Variants in ZNF385B observed in about 807,000 individuals in gnomAD.
ZNF385B encodes the protein zinc finger protein 385B.
Under a neutral mutation model 39.2 loss-of-function variants are expected in ZNF385B, and 23 were observed. The observed-to-expected ratio is 0.59, with a 90% CI of 0.42 to 0.83. The LOEUF (loss-of-function observed/expected upper bound fraction) is 0.83, where lower values mean the gene tolerates loss of function less well. Among genes scored for constraint, ZNF385B ranks in the 40% least tolerant of loss-of-function variants. The probability of loss-of-function intolerance (pLI) is 0.00; values close to 1 mark genes in which losing one functional copy is unlikely to be tolerated. For missense variants in ZNF385B, 552 were observed against 598.9 expected, an observed-to-expected ratio of 0.92 and a Z score of 0.82; for synonymous variants, 205 against 222.6, an observed-to-expected ratio of 0.92 and a Z score of 0.70.
At chr2:179,597,715 A>C (rs1688108601) in intron 3 of ZNF385B, among the ~76,000 whole-genome samples, 1 of 152,160 alleles carries the variant, frequency 6.6e-6, no homozygotes, top group South Asian at 2.1e-4. Flanking sequence ...GGAACATTGG[A>C]ATGTTTTATG....
At chr2:179,571,689 G>A (rs879401028) in intron 3 of ZNF385B, among the ~76,000 whole-genome samples, 6 of 152,120 alleles carry the variant, frequency 3.9e-5, no homozygotes, top group Admixed American at 2.0e-4. Context: ...TTCACATGGC[G>A]TTTCTCAAAT....
intron 5 of ZNF385B, among the ~76,000 whole-genome samples, chr2:179,501,676 G>A (rs1356510816): frequency 6.6e-6 from 1 of 152,074 alleles, no homozygotes; most frequent in Non-Finnish European, 1.5e-5. Flanking sequence ...TTGACAGCAC[G>A]ATAGGGTGAC....
chr2:179,740,084 T>A (rs1701999324), intron 3 of ZNF385B, among the ~76,000 whole-genome samples: 1 of 152,178 alleles, frequency 6.6e-6, no homozygotes, highest in South Asian at 2.1e-4. Context: ...CTGGATATTT[T>A]GAAATTTCTT....
At chr2:179,541,314 G>T (rs1468411622) in intron 4 of ZNF385B, among the ~76,000 whole-genome samples, 2 of 152,092 alleles carry the variant, frequency 1.3e-5, no homozygotes, top group Non-Finnish European at 2.9e-5. Context: ...TCTTCATCAG[G>T]TACAACTTAG....
chr2:179,686,297 G>A (rs1255295484), intron 3 of ZNF385B, among the ~76,000 whole-genome samples: 1 of 152,116 alleles, frequency 6.6e-6, no homozygotes, highest in Non-Finnish European at 1.5e-5. Flanking sequence ...TGTGGTCTTT[G>A]GGCTGTTCTT....
rs570627786 is a variant in ZNF385B at position 179,576,713 on chromosome 2, A to G, written c.299-31744T>C. Among the ~76,000 whole-genome samples, 61 of 152,328 alleles carry G rather than the reference A, an allele frequency of 4.0e-4. 1 individual carries two copies. Among genetic ancestry groups the G allele is most frequent in the African/African-American group, 1.4e-3 (60 of 41,584 alleles). ...ATTCATAAATTCTATATAGTCTATA[A>G]TGACTTCAGAGAAAACTGGTGGCAA... On this transcript the variant is annotated intron_variant, in intron 3 of 9. Transcript: ENST00000410066.
chr2:179,545,663 A>G (rs1468420321), intron 3 of ZNF385B, among the ~76,000 whole-genome samples: 1 of 152,086 alleles, frequency 6.6e-6, no homozygotes, highest in African/African-American at 2.4e-5. Context: ...TTTATTTCTA[A>G]TTTGTTTTGT....
chr2:179,848,286 T>C (rs1708902750), intron 1 of ZNF385B, among the ~76,000 whole-genome samples: 1 of 152,160 alleles, frequency 6.6e-6, no homozygotes, highest in African/African-American at 2.4e-5. Context: ...AATAATCTAA[T>C]TTGGTGAGAT....
At chr2:179,518,694 G>GT in intron 4 of ZNF385B, 56 bp from the exon 5 acceptor site, 1 of 1,106,656 alleles carries the variant, frequency 9.0e-7, no homozygotes, top group Admixed American at 2.5e-5. Context: ...AGACAACAGT[G>GT]TGAGCAAATA....
intron 1 of ZNF385B, among the ~76,000 whole-genome samples, chr2:179,786,983 G>A (rs892759818): frequency 2.0e-5 from 3 of 151,980 alleles, no homozygotes; most frequent in South Asian, 2.1e-4. Context: ...ATTTTCAAAC[G>A]CACTTATTTG....
At chr2:179,799,362 G>C (rs561013708) in intron 1 of ZNF385B, among the ~76,000 whole-genome samples, 1 of 152,022 alleles carries the variant, frequency 6.6e-6, no homozygotes, top group Admixed American at 6.6e-5. Context: ...ATTTCTGCTA[G>C]AGTCAGTGTT....
chr2:179,820,296 T>C (rs1206033167), intron 1 of ZNF385B, among the ~76,000 whole-genome samples: 3 of 152,124 alleles, frequency 2.0e-5, no homozygotes, highest in Non-Finnish European at 4.4e-5. Flanking sequence ...ATAAAGGTAT[T>C]TGCATAATTT....
chr2:179,755,175 T>A (rs1468497679), intron 3 of ZNF385B, among the ~76,000 whole-genome samples: 1 of 152,250 alleles, frequency 6.6e-6, no homozygotes, highest in Non-Finnish European at 1.5e-5. Flanking sequence ...ATTTCTGCCT[T>A]CATTTCATTA....
intron 3 of ZNF385B, among the ~76,000 whole-genome samples, chr2:179,599,251 A>G (rs1338548200): frequency 6.6e-6 from 1 of 152,226 alleles, no homozygotes; most frequent in Non-Finnish European, 1.5e-5. Flanking sequence ...CATGATCAGA[A>G]TATCAGACCC....
chr2:179,734,587 G>C (rs1337812391), intron 3 of ZNF385B, among the ~76,000 whole-genome samples: 3 of 152,150 alleles, frequency 2.0e-5, no homozygotes, highest in Non-Finnish European at 4.4e-5. Context: ...CTATATTCAA[G>C]TGTTCTGTCC....
intron 1 of ZNF385B, among the ~76,000 whole-genome samples, chr2:179,789,929 G>T (rs1705226342): frequency 6.6e-6 from 1 of 152,004 alleles, no homozygotes; most frequent in Admixed American, 6.6e-5. Context: ...GATTTGAGGA[G>T]CATAATTAAC....
chr2:179,504,279 T>A (rs920363902), intron 5 of ZNF385B, among the ~76,000 whole-genome samples: 1 of 152,088 alleles, frequency 6.6e-6, no homozygotes, highest in African/African-American at 2.4e-5. Context: ...TCTATCATTG[T>A]TGGACATTTG....
chr2:179,854,397 A>T (rs867649768), intron 1 of ZNF385B, among the ~76,000 whole-genome samples: 1 of 152,090 alleles, frequency 6.6e-6, no homozygotes, highest in African/African-American at 2.4e-5. Flanking sequence ...ATACAATGAC[A>T]CTGATTTAAT....
chr2:179,462,311 ATCAG>A (rs2051420439), intron 6 of ZNF385B, among the ~76,000 whole-genome samples: 4 of 152,328 alleles, frequency 2.6e-5, no homozygotes, highest in African/African-American at 9.6e-5. Flanking sequence ...ATTAATGGGC[ATCAG>A]TCAGAGTACC....
Sources: gnomAD v4.1 joint callset for allele counts (sites outside exome capture counted in the v4.1 genomes callset) on GRCh38, gnomAD v4.1.1 for gene constraint, MANE v1.5 for transcripts, NCBI Gene and HGNC (gene_info 2026-07-23, HGNC 2026-07-21) for gene names.